HTT: variants seen among roughly 807,000 people sequenced by gnomAD.
HTT encodes the protein huntingtin.
HTT carries 104 observed loss-of-function variants against 362.3 expected under a neutral mutation model. That is an observed-to-expected ratio of 0.29 (90% confidence interval 0.24 to 0.34). HTT has a LOEUF of 0.34. Among genes scored for constraint, HTT ranks in the 10% least tolerant of loss-of-function variants. The pLI is 1.00. For synonymous variants in HTT, 1,577 were observed against 1,548.7 expected, an observed-to-expected ratio of 1.02 and a Z score of -0.43; for missense variants, 3,301 against 3,928.6, an observed-to-expected ratio of 0.84 and a Z score of 4.27.
chr4:3,215,171 C>T lies in HTT; in HGVS notation c.7014C>T (p.Ala2338=). The T allele has an allele frequency of 6.2e-7, 1 of 1,614,138 alleles. No individual in the cohort carries two copies. Among genetic ancestry groups the T allele is most frequent in the Non-Finnish European group, 8.5e-7 (1 of 1,180,006 alleles). ...AAAGAAGGACAAATACCCCAAAAGC[C>T]ATCAGCGAGGAGGAGGAGGAAGTAG... The part of the protein sequence containing the change: ...SPERRTNTPK[A]ISEEEEEVDP... The change falls in exon 51 of 67, where the codon GCC becomes GCT. Residue 2338 remains alanine (A), a synonymous_variant. Coordinates refer to ENST00000355072, the MANE Select transcript of HTT (RefSeq NM_001388492.1).
At chr4:3,140,462 T>G in intron 21 of HTT, 48 bp from the exon 22 acceptor site, 1 of 1,582,848 alleles carries the variant, frequency 6.3e-7, no homozygotes, top group Non-Finnish European at 8.7e-7. Flanking sequence ...CTATCACAGG[T>G]GAGTTTCATC....
rs1713717655 is a variant in HTT, at chr4:3,094,531, G to T, written c.348-4743G>T. ...CCCCAACCTCCCAGACGGGGCGGCG[G>T]CTGGGCGGGGGCTGCCCCCCACCTC... On this transcript the variant is annotated intron_variant, in intron 2 of 66. Transcript: ENST00000355072. Among the ~76,000 whole-genome samples, 4 of 149,496 alleles carry T rather than the reference G, an allele frequency of 2.7e-5. No homozygotes were observed. The South Asian group carries it at 8.5e-4, about 32-fold the overall frequency.
intron 15 of HTT, 102 bp from the exon 16 acceptor site, chr4:3,131,536 G>T (rs1715816508): frequency 6.5e-7 from 1 of 1,535,574 alleles, no homozygotes; most frequent in South Asian, 1.1e-5. Context: ...CCGAGGGGAG[G>T]GAGGAAATGA....
chr4:3,178,245 G>T (rs1300730317), intron 34 of HTT, 53 bp from the exon 35 acceptor site: 1 of 1,287,924 alleles, frequency 7.8e-7, no homozygotes, highest in African/African-American at 1.5e-5. Flanking sequence ...TGCTTATATT[G>T]ATATGTATCT....
At chr4:3,214,177 CTGTCTGCTTCACCA>C (rs1560596808) in intron 50 of HTT, 42 bp downstream of exon 50, 1 of 1,364,748 alleles carries the variant, frequency 7.3e-7, no homozygotes. Context: ...ATCATAGTTC[CTGTCTGCTTCACCA>C]TGTTTTTATT....
intron 57 of HTT, among the ~76,000 whole-genome samples, chr4:3,226,149 C>T (rs1387038250): frequency 2.0e-5 from 3 of 151,910 alleles, no homozygotes; most frequent in East Asian, 1.9e-4. Flanking sequence ...GGGCCGCAGG[C>T]GTGGCCGTGA....
At chr4:3,134,580 C>G in intron 19 of HTT, 40 bp downstream of exon 19, 2 of 1,570,050 alleles carry the variant, frequency 1.3e-6, no homozygotes, top group Non-Finnish European at 1.7e-6. Context: ...GAACTAAGCT[C>G]AATTGAAAGT....
chr4:3,222,862 G>A (rs1720743023), intron 54 of HTT, among the ~76,000 whole-genome samples: 1 of 152,168 alleles, frequency 6.6e-6, no homozygotes. Context: ...CTAATGTCTT[G>A]CAGAGATTTT....
intron 1 of HTT, among the ~76,000 whole-genome samples, chr4:3,078,348 TAGAC>T (rs1712676278): frequency 6.6e-6 from 1 of 152,180 alleles, no homozygotes; most frequent in Non-Finnish European, 1.5e-5. Flanking sequence ...ATGAAGGACA[TAGAC>T]AGTAAGCAAG....
intron 25 of HTT, 78 bp from the exon 26 acceptor site, chr4:3,147,927 A>T: frequency 8.4e-7 from 1 of 1,193,380 alleles, no homozygotes; most frequent in Non-Finnish European, 1.2e-6. Context: ...TAGGGTCTTA[A>T]ATGACTTCAG....
chr4:3,189,265 C>A lies in HTT; in HGVS notation c.5368+172C>A, dbSNP rs540627711. On this transcript the variant is annotated intron_variant, in intron 40 of 66. Transcript: ENST00000355072. ...CTGATACCATGTGACCCAGCAGTTCCACTCTTGGGTATATACCCAAAAGAA... is the reference window on the plus strand; with the variant it reads ...CTGATACCATGTGACCCAGCAGTTCAACTCTTGGGTATATACCCAAAAGAA... Among the ~76,000 whole-genome samples, 196 of 152,326 alleles carry A rather than the reference C, an allele frequency of 1.3e-3. 1 individual carries two copies. Among genetic ancestry groups the A allele is most frequent in the Middle Eastern group, 0.01 (3 of 294 alleles).
In HTT at chr4:3,121,381, A is replaced by G. The variant is rs201948833; in HGVS notation, c.1222A>G (p.Lys408Glu). The change falls in exon 9 of 67, where the codon AAG (lysine) becomes GAG (glutamate). Residue 408 changes from lysine (K) to glutamate (E), a missense_variant. Physicochemically the swap from Lys to Glu is moderately conservative, Grantham distance 56 (BLOSUM62 1). Coordinates refer to ENST00000355072, the MANE Select transcript of HTT (RefSeq NM_001388492.1). The part of the protein sequence containing the change: ...VGGIGQLTAA[K>E]EESGGRSRSG... ...GGGCATTGGGCAGCTCACCGCTGCT[A>G]AGGAGGAGTCTGGTGGCCGAAGCCG... The G allele has an allele frequency of 1.2e-6, 2 of 1,614,162 alleles. No homozygotes were observed. The highest frequency in any genetic ancestry group is 2.2e-5 in the South Asian group (2 of 91,082).
In HTT at chr4:3,225,724, T is replaced by C; in HGVS notation, c.7829T>C (p.Met2610Thr). The C allele has an allele frequency of 1.2e-6, 2 of 1,611,712 alleles. No individual in the cohort carries two copies. Among genetic ancestry groups the C allele is most frequent in the Non-Finnish European group, 1.7e-6 (2 of 1,177,842 alleles). The part of the protein sequence containing the change: ...QINPERELGS[M>T]SYKLGQVSIH... Reference sequence around the variant, plus strand: ...AACCCCGAGCGGGAGCTGGGGAGCATGAGCTACAAACTCGGCCAGGTCAGT... The same window carrying C: ...AACCCCGAGCGGGAGCTGGGGAGCACGAGCTACAAACTCGGCCAGGTCAGT... The change falls in exon 57 of 67, where the codon ATG becomes ACG. Residue 2610 changes from methionine (M) to threonine (T), a missense_variant. Coordinates refer to ENST00000355072, the MANE Select transcript of HTT (RefSeq NM_001388492.1).
chr4:3,098,441 C>T (rs1205934465), intron 2 of HTT, among the ~76,000 whole-genome samples: 1 of 152,166 alleles, frequency 6.6e-6, no homozygotes, highest in Admixed American at 6.5e-5. Context: ...AAAAATAGCA[C>T]ATCCCCCGTA....
At chr4:3,134,684 C>A in intron 19 of HTT, 144 bp downstream of exon 19, 1 of 672,608 alleles carries the variant, frequency 1.5e-6, no homozygotes. Context: ...TTTTCTCCTC[C>A]CAGTGGCTTT....
At chr4:3,153,082 G>C (rs1057079580) in intron 26 of HTT, among the ~76,000 whole-genome samples, 63 of 152,090 alleles carry the variant, frequency 4.1e-4, no homozygotes, top group Non-Finnish European at 1.3e-4. Flanking sequence ...AAATACCATA[G>C]CCTGGGTGGC....
intron 53 of HTT, among the ~76,000 whole-genome samples, chr4:3,220,923 G>T (rs1286241598): frequency 6.6e-6 from 1 of 152,172 alleles, no homozygotes; most frequent in Non-Finnish European, 1.5e-5. Context: ...TCATAGAATT[G>T]TTGCAGATTT....
At chr4:3,165,740 G>A (rs1330590788) in intron 29 of HTT, among the ~76,000 whole-genome samples, 1 of 151,688 alleles carries the variant, frequency 6.6e-6, no homozygotes, top group Non-Finnish European at 1.5e-5. Context: ...CAAAATTCTC[G>A]TTCTGTGGTT....
intron 22 of HTT, among the ~76,000 whole-genome samples, chr4:3,141,728 C>T (rs1560566376): frequency 2.6e-5 from 4 of 152,194 alleles, no homozygotes; most frequent in Non-Finnish European, 5.9e-5. Context: ...TGCCATTGCA[C>T]TCCCAGCTTG....
Sources: allele counts gnomAD v4.1 joint callset (sites outside exome capture counted in the v4.1 genomes callset), GRCh38; gene constraint gnomAD v4.1.1; transcripts MANE v1.5; gene names NCBI Gene and HGNC (gene_info 2026-07-23, HGNC 2026-07-21).